The following NBAS variants were observed in gnomAD, a reference collection of about 807,000 sequenced individuals.
The protein encoded by NBAS is NAG/BC035112 fusion.
In NBAS, 219 loss-of-function variants were observed where a neutral mutation model predicts 302.5. The ratio of observed to expected loss-of-function variants is 0.72; its 90% CI spans 0.65 to 0.81. NBAS has a LOEUF of 0.81. Ranked by LOEUF, NBAS falls within the 30% of genes least tolerant of loss-of-function variation. The probability of loss-of-function intolerance (pLI) is 0.00; values close to 1 mark genes in which losing one functional copy is unlikely to be tolerated. For synonymous variants in NBAS, 1,118 were observed against 1,021.6 expected, an observed-to-expected ratio of 1.09 and a Z score of -1.80; for missense variants, 2,932 against 2,841.6, an observed-to-expected ratio of 1.03 and a Z score of -0.72.
At chr2:15,345,171 G>C (rs1008922314) in intron 35 of NBAS, among the ~76,000 whole-genome samples, 1 of 152,130 alleles carries the variant, frequency 6.6e-6, no homozygotes, top group Non-Finnish European at 1.5e-5. Context: ...AACCAGGCAA[G>C]AGAAAGAAAT....
At chr2:15,413,119 T>C (rs1676760724) in intron 25 of NBAS, among the ~76,000 whole-genome samples, 1 of 152,346 alleles carries the variant, frequency 6.6e-6, no homozygotes, top group Non-Finnish European at 1.5e-5. Flanking sequence ...TCTCCACACA[T>C]ACTGGAAGCC....
At chr2:15,014,511 A>G in the NBAS span, among the ~76,000 whole-genome samples, 1 of 152,194 alleles carries the variant, frequency 6.6e-6, no homozygotes, top group South Asian at 2.1e-4. Context: ...TGGAAATTCA[A>G]CATGTTCCTG....
At chr2:15,355,311 T>A (rs1342649471) in intron 33 of NBAS, among the ~76,000 whole-genome samples, 1 of 151,766 alleles carries the variant, frequency 6.6e-6, no homozygotes, top group Non-Finnish European at 1.5e-5. Flanking sequence ...ACAGAGCCCA[T>A]GATAAGAAAA....
chr2:15,376,603 G>A (rs1433023093), intron 30 of NBAS, among the ~76,000 whole-genome samples: 1 of 152,092 alleles, frequency 6.6e-6, no homozygotes, highest in Non-Finnish European at 1.5e-5. Flanking sequence ...CCTGTGTGGG[G>A]GGAATGGGGG....
At chr2:14,804,505 G>A in the NBAS span, among the ~76,000 whole-genome samples, 12 of 152,280 alleles carry the variant, frequency 7.9e-5, no homozygotes, top group East Asian at 3.9e-4. Context: ...AAAAACACAC[G>A]TCAGAACAAG....
At chr2:15,443,520 T>C (rs1245124318) in intron 21 of NBAS, among the ~76,000 whole-genome samples, 1 of 151,388 alleles carries the variant, frequency 6.6e-6, no homozygotes, top group African/African-American at 2.4e-5. Flanking sequence ...ATAAGAGCTA[T>C]CTATGACAAA....
At chr2:15,337,192 G>A (rs904445929) in intron 35 of NBAS, among the ~76,000 whole-genome samples, 3 of 151,952 alleles carry the variant, frequency 2.0e-5, no homozygotes, top group Non-Finnish European at 2.9e-5. Flanking sequence ...GTGGTGGCAT[G>A]TGCCTATAGT....
chr2:14,924,207 T>A, the NBAS span, among the ~76,000 whole-genome samples: 1 of 152,234 alleles, frequency 6.6e-6, no homozygotes, highest in Non-Finnish European at 1.5e-5. Flanking sequence ...AATCAAGTTT[T>A]TCCAGGGGTC....
the NBAS span, among the ~76,000 whole-genome samples, chr2:15,080,325 T>C: frequency 7.2e-5 from 11 of 152,286 alleles, no homozygotes; most frequent in Admixed American, 7.2e-4. Flanking sequence ...GAAGACAAGG[T>C]CTCAGTCCTA....
chr2:14,825,006 G>A, the NBAS span, among the ~76,000 whole-genome samples: 1 of 152,132 alleles, frequency 6.6e-6, no homozygotes, highest in African/African-American at 2.4e-5. Flanking sequence ...GGTGCCCTAG[G>A]TTCATGTATT....
intron 16 of NBAS, among the ~76,000 whole-genome samples, chr2:15,468,850 G>C (rs928047993): frequency 6.6e-6 from 1 of 152,146 alleles, no homozygotes; most frequent in Non-Finnish European, 1.5e-5. Context: ...GGTTTGCACC[G>C]TGGCTGTATA....
At chr2:15,067,076 A>G in the NBAS span, among the ~76,000 whole-genome samples, 1 of 144,050 alleles carries the variant, frequency 6.9e-6, no homozygotes, top group African/African-American at 2.7e-5. Context: ...TAATCCCACC[A>G]CTTTGGGAGG....
chr2:15,205,018 TA>T (rs947488598), intron 48 of NBAS, among the ~76,000 whole-genome samples: 1 of 151,420 alleles, frequency 6.6e-6, no homozygotes, highest in African/African-American at 2.4e-5. Flanking sequence ...TAATAAAAAA[TA>T]AAAAAATTAA....
the NBAS span, among the ~76,000 whole-genome samples, chr2:14,879,700 G>A: frequency 6.6e-6 from 1 of 152,060 alleles, no homozygotes; most frequent in African/African-American, 2.4e-5. Flanking sequence ...CATGCCTACA[G>A]GATGACTAGA....
intron 28 of NBAS, 104 bp downstream of exon 28, chr2:15,394,121 CAG>C: frequency 8.5e-7 from 1 of 1,178,788 alleles, no homozygotes; most frequent in Non-Finnish European, 1.2e-6. Context: ...TAAATATGTG[CAG>C]TTTATTATTA....
intron 6 of NBAS, among the ~76,000 whole-genome samples, chr2:15,549,110 G>A (rs1664254565): frequency 6.6e-6 from 1 of 152,108 alleles, no homozygotes; most frequent in South Asian, 2.1e-4. Context: ...TATGCCGAGA[G>A]TTTTACATAC....
At chr2:15,345,252 G>A (rs1298690843) in intron 35 of NBAS, among the ~76,000 whole-genome samples, 1 of 152,154 alleles carries the variant, frequency 6.6e-6, no homozygotes, top group Non-Finnish European at 1.5e-5. Context: ...TTTGTATTTA[G>A]AAAACCCCAT....
the NBAS span, among the ~76,000 whole-genome samples, chr2:15,062,701 C>G: frequency 6.6e-6 from 1 of 152,146 alleles, no homozygotes; most frequent in South Asian, 2.1e-4. Flanking sequence ...GTGGCTGACA[C>G]CTAAACTCTG....
chr2:15,351,977 CT>C lies in NBAS; in HGVS notation c.4179+14del, dbSNP rs1178761183. Reference sequence around the variant, plus strand: ...TCAGCCACCTTTCAAACTCCGCTCCCTCATTTTAACTTACCTCTTGTACTGC... The same window carrying C: ...TCAGCCACCTTTCAAACTCCGCTCCCCATTTTAACTTACCTCTTGTACTGC... On this transcript the variant is annotated intron_variant, in intron 35 of 51. Transcript: ENST00000281513. The C allele has an allele frequency of 6.3e-7, 1 of 1,589,552 alleles. No individual in the cohort carries two copies. The highest frequency in any genetic ancestry group is 2.2e-5 in the East Asian group (1 of 44,658).
Sources: allele counts gnomAD v4.1 joint callset (sites outside exome capture counted in the v4.1 genomes callset), GRCh38; gene constraint gnomAD v4.1.1; transcripts MANE v1.5; gene names NCBI Gene and HGNC (gene_info 2026-07-23, HGNC 2026-07-21).